PPARGC1A: variants seen among roughly 807,000 people sequenced by gnomAD.
PPARGC1A encodes PPARG coactivator 1 alpha, also known as peroxisome proliferator-activated receptor gamma coactivator 1-alpha.
PPARGC1A carries 25 observed loss-of-function variants against 88.7 expected under a neutral mutation model. The ratio of observed to expected loss-of-function variants is 0.28; its 90% confidence interval spans 0.21 to 0.39. The LOEUF is 0.39. Ranked by LOEUF, PPARGC1A falls within the 10% of genes least tolerant of loss-of-function variation. PPARGC1A has a pLI of 1.00. For missense variants in PPARGC1A, 880 were observed against 968.7 expected, an observed-to-expected ratio of 0.91 and a Z score of 1.22; for synonymous variants, 363 against 355.6, an observed-to-expected ratio of 1.02 and a Z score of -0.24.
chr4:24,079,875 T>C, the PPARGC1A span, among the ~76,000 whole-genome samples: 1 of 152,072 alleles, frequency 6.6e-6, no homozygotes, highest in Non-Finnish European at 1.5e-5. Flanking sequence ...TTCAATAGTC[T>C]GTCTCTTGGC....
chr4:24,398,011 G>A, the PPARGC1A span, among the ~76,000 whole-genome samples: 1 of 152,134 alleles, frequency 6.6e-6, no homozygotes, highest in African/African-American at 2.4e-5. Flanking sequence ...TCTGAAAAAA[G>A]TGACACTGCC....
At chr4:24,248,563 G>C in the PPARGC1A span, among the ~76,000 whole-genome samples, 1 of 152,136 alleles carries the variant, frequency 6.6e-6, no homozygotes, top group Non-Finnish European at 1.5e-5. Context: ...GAGAACGAAA[G>C]TGTCATACCC....
At chr4:24,300,075 G>C in the PPARGC1A span, among the ~76,000 whole-genome samples, 2 of 152,090 alleles carry the variant, frequency 1.3e-5, no homozygotes, top group African/African-American at 2.4e-5. Context: ...TTAAAGGTCA[G>C]GTCTGATTAG....
At chr4:24,156,992 G>A in the PPARGC1A span, among the ~76,000 whole-genome samples, 36 of 152,054 alleles carry the variant, frequency 2.4e-4, no homozygotes, top group Non-Finnish European at 4.0e-4. Flanking sequence ...TTTGATACAA[G>A]ACACTCATTT....
chr4:24,424,258 CTTTTTTTTTTTTTTTTTTTT>C, the PPARGC1A span, among the ~76,000 whole-genome samples: 2 of 44,316 alleles, frequency 4.5e-5, no homozygotes, highest in African/African-American at 9.9e-5. Context: ...TATACACACA[CTTTTTTTTTTTTTTTTTTTT>C]TTTTTTTTTT....
the PPARGC1A span, among the ~76,000 whole-genome samples, chr4:24,194,612 ACGCGCGCGCACGCGCGCG>A: frequency 3.5e-5 from 2 of 56,638 alleles, no homozygotes; most frequent in African/African-American, 6.0e-5. Context: ...GCTGGCACAC[ACGCGCGCGCACGCGCGCG>A]CACACACACA....
chr4:24,424,560 C>A, the PPARGC1A span, among the ~76,000 whole-genome samples: 4 of 152,088 alleles, frequency 2.6e-5, no homozygotes, highest in Non-Finnish European at 5.9e-5. Context: ...CAGGCGTGAG[C>A]CACCGCGCCC....
the PPARGC1A span, among the ~76,000 whole-genome samples, chr4:24,068,454 T>C: frequency 6.6e-6 from 1 of 152,072 alleles, no homozygotes; most frequent in African/African-American, 2.4e-5. Flanking sequence ...AGAAATACAG[T>C]GAGGGCAGGA....
chr4:23,896,670 G>T (rs1718639139), intron 1 of PPARGC1A, among the ~76,000 whole-genome samples: 1 of 152,146 alleles, frequency 6.6e-6, no homozygotes, highest in African/African-American at 2.4e-5. Flanking sequence ...TTAATCAATT[G>T]TAAAGTCAAT....
chr4:24,152,716 T>C, the PPARGC1A span, among the ~76,000 whole-genome samples: 1 of 152,250 alleles, frequency 6.6e-6, no homozygotes, highest in Non-Finnish European at 1.5e-5. Context: ...CAGAGTTAAC[T>C]GTTGAGATTC....
intron 12 of PPARGC1A, among the ~76,000 whole-genome samples, chr4:23,797,458 G>A (rs1011606496): frequency 1.8e-4 from 28 of 152,138 alleles, no homozygotes; most frequent in African/African-American, 6.8e-4. Context: ...GATGGAGTCT[G>A]TGTGATAAAA....
the PPARGC1A span, among the ~76,000 whole-genome samples, chr4:24,263,054 C>G: frequency 2.6e-4 from 40 of 152,144 alleles, no homozygotes; most frequent in Non-Finnish European, 3.4e-4. Context: ...TCAACAAGTA[C>G]AGAAAACAAT....
At chr4:24,210,386 G>A in the PPARGC1A span, among the ~76,000 whole-genome samples, 2 of 152,184 alleles carry the variant, frequency 1.3e-5, no homozygotes, top group Admixed American at 6.5e-5. Context: ...CATTCTAAAA[G>A]GAAGGAGCTT....
the PPARGC1A span, among the ~76,000 whole-genome samples, chr4:24,175,829 A>C: frequency 2.0e-5 from 3 of 152,116 alleles, no homozygotes; most frequent in African/African-American, 7.2e-5. Context: ...AGAAAAAAAC[A>C]TGAAATCCTC....
the PPARGC1A span, among the ~76,000 whole-genome samples, chr4:24,453,654 C>T: frequency 6.6e-6 from 1 of 152,158 alleles, no homozygotes; most frequent in Non-Finnish European, 1.5e-5. Context: ...GTGGCACATG[C>T]CTGTAATCTG....
At chr4:23,921,602 C>T in the PPARGC1A span, among the ~76,000 whole-genome samples, 1 of 152,216 alleles carries the variant, frequency 6.6e-6, no homozygotes, top group South Asian at 2.1e-4. Flanking sequence ...AAAATGCTCA[C>T]ACCCCACAGG....
the PPARGC1A span, among the ~76,000 whole-genome samples, chr4:24,233,566 G>A: frequency 2.1e-5 from 3 of 146,112 alleles, no homozygotes; most frequent in African/African-American, 7.7e-5. Context: ...CCTGCACTAA[G>A]AGGACACACA....
chr4:24,124,928 A>C, the PPARGC1A span, among the ~76,000 whole-genome samples: 4 of 152,188 alleles, frequency 2.6e-5, no homozygotes, highest in Non-Finnish European at 5.9e-5. Context: ...CAAGAATTTC[A>C]GAAAACCTCC....
chr4:23,889,347 C>T (rs186316086), intron 1 of PPARGC1A: 1 of 985,194 alleles, frequency 1.0e-6, no homozygotes, highest in Admixed American at 6.2e-5. Context: ...TTAAAGGAAG[C>T]AGCATCGTTG....
Sources: gnomAD v4.1 joint callset for allele counts (sites outside exome capture counted in the v4.1 genomes callset) on GRCh38, gnomAD v4.1.1 for gene constraint, MANE v1.5 for transcripts, NCBI Gene and HGNC (gene_info 2026-07-23, HGNC 2026-07-21) for gene names.